The following RAB33B variants were observed in gnomAD, a reference collection of about 807,000 sequenced individuals.
RAB33B encodes RAB33B, member RAS oncogene family.
In RAB33B, 6 loss-of-function variants were observed where a neutral mutation model predicts 15.0. The ratio of observed to expected loss-of-function variants is 0.40; its 90% CI spans 0.22 to 0.79. RAB33B has a LOEUF of 0.79. Ranked by LOEUF, RAB33B falls within the 30% of genes least tolerant of loss-of-function variation. The pLI, the probability that RAB33B is intolerant of heterozygous loss-of-function variation, is 0.37. For synonymous variants in RAB33B, 117 were observed against 108.3 expected (o/e 1.08, Z -0.50); for missense variants, 257 against 296.4 (o/e 0.87, Z 0.98).
chr4:139,460,318 ATAAT>A (rs1750147866), intron 1 of RAB33B, among the ~76,000 whole-genome samples: 1 of 152,238 alleles, frequency 6.6e-6, no homozygotes, highest in South Asian at 2.1e-4. Flanking sequence ...CACAGGAGAA[ATAAT>A]TATGCACATG....
chr4:139,460,200 T>C (rs1418263711), intron 1 of RAB33B, among the ~76,000 whole-genome samples: 1 of 152,182 alleles, frequency 6.6e-6, no homozygotes, highest in Admixed American at 6.5e-5. Flanking sequence ...ACGTGGAAGA[T>C]TGAATTTGGA....
chr4:139,467,814 T>A (rs1438232707), intron 1 of RAB33B, among the ~76,000 whole-genome samples: 1 of 151,584 alleles, frequency 6.6e-6, no homozygotes, highest in African/African-American at 2.4e-5. Context: ...GCTGAGATCG[T>A]GCTGCTGCAT....
At chr4:139,441,749 G>A in the RAB33B span, among the ~76,000 whole-genome samples, 1 of 152,152 alleles carries the variant, frequency 6.6e-6, no homozygotes. Flanking sequence ...TTGGACTATT[G>A]TAAAGTTGAA....
chr4:139,438,730 T>G, the RAB33B span, among the ~76,000 whole-genome samples: 1 of 152,248 alleles, frequency 6.6e-6, no homozygotes, highest in Admixed American at 6.5e-5. Context: ...CATTGGTTTT[T>G]GTTAATGTAT....
At chr4:139,467,952 ATTCT>A (rs1750321728) in intron 1 of RAB33B, among the ~76,000 whole-genome samples, 1 of 134,564 alleles carries the variant, frequency 7.4e-6, no homozygotes, top group Non-Finnish European at 1.6e-5. Context: ...GGTCTTATTC[ATTCT>A]TTCTGTTTTT....
chr4:139,464,583 C>T (rs532434826), intron 1 of RAB33B, among the ~76,000 whole-genome samples: 2 of 152,192 alleles, frequency 1.3e-5, no homozygotes, highest in East Asian at 3.9e-4. Context: ...GTTCTCCACC[C>T]TGTGTCCAAG....
intron 1 of RAB33B, among the ~76,000 whole-genome samples, chr4:139,464,392 T>TC (rs1222248736): frequency 6.9e-6 from 1 of 145,558 alleles, no homozygotes; most frequent in Non-Finnish European, 1.5e-5. Flanking sequence ...TACTGTTTTT[T>TC]TTTTTTTTTT....
Position 139,454,332 on chromosome 4 carries a change from A to G in RAB33B, c.137A>G (p.Lys46Arg), listed in dbSNP as rs1418167506. The change falls in exon 1 of 2, where the codon AAG becomes AGG. Residue 46 changes from lysine to arginine, a missense_variant. By Grantham distance (26) the Lys-to-Arg change is conservative. Transcript: ENST00000305626. ...GTGATCGGCGACTCCAATGTGGGCAAGACATGCCTGACCTACCGCTTCTGC... is the reference window on the plus strand; with the variant it reads ...GTGATCGGCGACTCCAATGTGGGCAGGACATGCCTGACCTACCGCTTCTGC... ...IIVIGDSNVG[K>R]TCLTYRFCAG... is the part of the protein sequence containing the mutation. 6.2e-7 allele frequency: 1 copy of G among 1,614,020 alleles called. No individual in the cohort carries two copies. Among genetic ancestry groups the G allele is most frequent in the African/African-American group, 1.3e-5 (1 of 74,910 alleles).
At chr4:139,447,959 G>A in the RAB33B span, among the ~76,000 whole-genome samples, 5 of 151,252 alleles carry the variant, frequency 3.3e-5, no homozygotes, top group East Asian at 2.0e-4. Flanking sequence ...GAGCCACCGC[G>A]CCCGGCCCAG....
chr4:139,439,880 T>C, the RAB33B span, among the ~76,000 whole-genome samples: 1 of 152,198 alleles, frequency 6.6e-6, no homozygotes, highest in South Asian at 2.1e-4. Context: ...TGGTTTCTTT[T>C]AGGTTTTCTA....
the RAB33B span, among the ~76,000 whole-genome samples, chr4:139,438,976 C>G: frequency 3.3e-5 from 5 of 152,164 alleles, no homozygotes; most frequent in Non-Finnish European, 7.4e-5. Context: ...TTATCTTCTA[C>G]TTCAATTTCG....
Position 139,476,003 on chromosome 4 carries a change from A to G in RAB33B, c.*2877A>G, listed in dbSNP as rs1474266405. The G allele has an allele frequency of 6.6e-6, 1 of 152,166 alleles. No individual in the cohort carries two copies. The highest frequency in any genetic ancestry group is 1.5e-5 in the Non-Finnish European group (1 of 68,034). 9.4% of individuals were successfully genotyped at this position (152,166 alleles called of 1,614,324 possible). A position where few individuals can be genotyped will look rare whatever the true frequency, so the allele number is the denominator to read the frequency against. On this transcript the variant is annotated 3_prime_UTR_variant, in exon 2 of 2. Coordinates refer to ENST00000305626, the MANE Select transcript of RAB33B (RefSeq NM_031296.3). ...CCTCCTGGTTTCCAGATAATATTAT[A>G]TATATGATACACTTTTGAAAACAAC...
chr4:139,469,332 G>T (rs575387101), intron 1 of RAB33B, among the ~76,000 whole-genome samples: 14 of 152,128 alleles, frequency 9.2e-5, no homozygotes, highest in African/African-American at 3.4e-4. Flanking sequence ...TGCTTGATCA[G>T]TTCTGCTGTT....
At chr4:139,446,475 G>A in the RAB33B span, among the ~76,000 whole-genome samples, 1 of 152,200 alleles carries the variant, frequency 6.6e-6, no homozygotes, top group Non-Finnish European at 1.5e-5. Context: ...TTCATGGGCT[G>A]TAGCTAATGG....
Position 139,472,911 on chromosome 4 carries a change from C to A in RAB33B, c.475C>A (p.Pro159Thr). 6.2e-7 allele frequency: 1 copy of A among 1,614,138 alleles called. No individual in the cohort carries two copies. Among genetic ancestry groups the A allele is most frequent in the Non-Finnish European group, 8.5e-7 (1 of 1,180,008 alleles). Residue 159 changes from proline (P) to threonine (T), a missense_variant, in exon 2 of 2, where the codon CCC (proline) becomes ACC (threonine). Transcript: ENST00000305626. ...KCDLRSAIQV[P>T]TDLAQKFADT... ...TGACTTGAGAAGTGCCATACAGGTA[C>A]CCACAGACTTGGCACAAAAATTTGC...
At chr4:139,471,654 G>T (rs1485822786) in intron 1 of RAB33B, among the ~76,000 whole-genome samples, 3 of 151,842 alleles carry the variant, frequency 2.0e-5, no homozygotes, top group African/African-American at 7.3e-5. Context: ...GTTCAGGCTG[G>T]TCTTAAACTC....
rs1750418702 is a variant in RAB33B at position 139,472,948 on chromosome 4, G to A, written c.512G>A (p.Ser171Asn). ...GCACAAAAATTTGCTGACACACACAGTATGCCTTTGTTTGAAACGTCTGCT... is the reference window on the plus strand; with the variant it reads ...GCACAAAAATTTGCTGACACACACAATATGCCTTTGTTTGAAACGTCTGCT... ...DLAQKFADTH[S>N]MPLFETSAKN... The change falls in exon 2 of 2, where the codon AGT (serine) becomes AAT (asparagine). Residue 171 changes from serine (S) to asparagine (N), a missense_variant. Ser to Asn is a conservative substitution (Grantham distance 46). Coordinates refer to ENST00000305626, the MANE Select transcript of RAB33B (RefSeq NM_031296.3). 2 of 1,614,020 alleles carry A rather than the reference G, an allele frequency of 1.2e-6. No individual in the cohort carries two copies. Among genetic ancestry groups the A allele is most frequent in the South Asian group, 2.2e-5 (2 of 91,092 alleles).
At chr4:139,456,510 GATAA>G (rs113004544) in intron 1 of RAB33B, among the ~76,000 whole-genome samples, 9,192 of 152,198 alleles carry the variant, frequency 0.06, 910 homozygotes, top group African/African-American at 0.21. Context: ...TGCTGGCAGT[GATAA>G]ATAAGACAGA....
At chr4:139,464,292 A>T (rs909684238) in intron 1 of RAB33B, among the ~76,000 whole-genome samples, 3 of 152,160 alleles carry the variant, frequency 2.0e-5, no homozygotes, top group African/African-American at 7.2e-5. Context: ...AATAAAAATA[A>T]AAAAGGGGTA....
Sources: gnomAD v4.1 joint callset for allele counts (sites outside exome capture counted in the v4.1 genomes callset) on GRCh38, gnomAD v4.1.1 for gene constraint, MANE v1.5 for transcripts, NCBI Gene and HGNC (gene_info 2026-07-23, HGNC 2026-07-21) for gene names.